Variants in TICAM2 observed in about 807,000 individuals in gnomAD.
TICAM2 encodes TIR domain-containing adapter molecule 2.
Under a neutral mutation model 7.3 loss-of-function variants are expected in TICAM2, and 8 were observed. The observed-to-expected ratio is 1.10, with a 90% CI of 0.65 to 1.99. The LOEUF (loss-of-function observed/expected upper bound fraction) is 1.99, where lower values mean the gene tolerates loss of function less well. Ranked by LOEUF, TICAM2 falls within the 30% of genes most tolerant of loss-of-function variation. The pLI is 0.00. For missense variants in TICAM2, 304 were observed against 278.8 expected, an observed-to-expected ratio of 1.09 and a Z score of -0.65; for synonymous variants, 113 against 99.6, an observed-to-expected ratio of 1.13 and a Z score of -0.80.
rs2288384 is a variant in TICAM2, at chr5:115,580,331, G to A, written c.*218C>T. 0.093 allele frequency: 51,232 copies of A among 551,246 alleles called. 2,726 individuals carry two copies. Among genetic ancestry groups the A allele is most frequent in the East Asian group, 0.16 (4,376 of 27,342 alleles). The allele number at this position is 551,246 out of a possible 1,614,324, so 34.1% of individuals were successfully genotyped here. A position where few individuals can be genotyped will look rare whatever the true frequency, so the allele number is the denominator to read the frequency against. ...GAACTAGGAAAATTGTGAAAGAAAA[G>A]TCCTTGAAACTCTGACAATGTCAAG... On this transcript the variant is annotated 3_prime_UTR_variant, in exon 2 of 2. Coordinates refer to ENST00000427199, the MANE Select transcript of TICAM2 (RefSeq NM_021649.7).
intron 1 of TICAM2, among the ~76,000 whole-genome samples, chr5:115,593,970 T>A (rs1380175739): frequency 6.6e-6 from 1 of 152,186 alleles, no homozygotes; most frequent in Non-Finnish European, 1.5e-5. Flanking sequence ...CATGGTTGAT[T>A]GTTTTTTTAT....
intron 1 of TICAM2, among the ~76,000 whole-genome samples, chr5:115,586,395 C>A (rs1391045998): frequency 7.0e-6 from 1 of 143,446 alleles, no homozygotes. Context: ...ATTAATGAAA[C>A]CATTAATTAA....
chr5:115,584,439 G>A (rs1755033116), intron 1 of TICAM2, among the ~76,000 whole-genome samples: 4 of 152,150 alleles, frequency 2.6e-5, no homozygotes, highest in Admixed American at 2.6e-4. Flanking sequence ...GGATATGTGA[G>A]TTGTTTCCAG....
Position 115,578,525 on chromosome 5 carries a change from A to T in TICAM2, c.*2024T>A, listed in dbSNP as rs1452097394. ...CATTTTTCTTTATCATAAAAAAAAT[A>T]TGGAACTCCAAATTGGGTGAGACAT... On this transcript the variant is annotated 3_prime_UTR_variant, in exon 2 of 2. Transcript: ENST00000427199. The T allele has an allele frequency of 1.3e-5, 2 of 152,158 alleles. No individual in the cohort carries two copies. Among genetic ancestry groups the T allele is most frequent in the Admixed American group, 1.3e-4 (2 of 15,278 alleles). 9.4% of individuals were successfully genotyped at this position (152,158 alleles called of 1,614,324 possible). A position where few individuals can be genotyped will look rare whatever the true frequency, so the allele number is the denominator to read the frequency against.
intron 1 of TICAM2, among the ~76,000 whole-genome samples, chr5:115,584,977 T>C (rs1755051558): frequency 6.6e-6 from 1 of 152,048 alleles, no homozygotes; most frequent in Admixed American, 6.6e-5. Flanking sequence ...TAAAAGAATA[T>C]AAAGGAGAAT....
At chr5:115,591,465 G>T (rs1177215596) in intron 1 of TICAM2, among the ~76,000 whole-genome samples, 1 of 152,104 alleles carries the variant, frequency 6.6e-6, no homozygotes, top group Non-Finnish European at 1.5e-5. Context: ...GCCAGCAAAC[G>T]CAGCTGACAA....
intron 1 of TICAM2, among the ~76,000 whole-genome samples, chr5:115,594,346 G>A (rs958544599): frequency 1.2e-4 from 18 of 152,176 alleles, no homozygotes; most frequent in Non-Finnish European, 5.9e-5. Context: ...ACATATGGTT[G>A]TGTGCTTTCC....
At chr5:115,593,992 T>C (rs1484740391) in intron 1 of TICAM2, among the ~76,000 whole-genome samples, 2 of 152,228 alleles carry the variant, frequency 1.3e-5, no homozygotes, top group African/African-American at 4.8e-5. Flanking sequence ...TATTCAACTA[T>C]ATACTTTGCT....
At chr5:115,597,139 C>G (rs1755540765) in intron 1 of TICAM2, among the ~76,000 whole-genome samples, 1 of 152,288 alleles carries the variant, frequency 6.6e-6, no homozygotes, top group South Asian at 2.1e-4. Flanking sequence ...GCCTTTACTT[C>G]CCTGAGTACA....
At position 115,581,180 on chromosome 5, in the gene TICAM2, C is replaced by A; in HGVS notation, c.77G>T (p.Ser26Ile). The change falls in exon 2 of 2, where the codon AGT becomes ATT. Residue 26 changes from serine (S) to isoleucine (I), a missense_variant. Transcript: ENST00000427199. ...SWGKRHSVDT[S>I]PGYHESDSKK... is the part of the protein sequence containing the mutation. ...GGAATCTGACTCATGATATCCTGGACTTGTATCCACACTGTGCCTTTTACC... is the reference window on the plus strand; with the variant it reads ...GGAATCTGACTCATGATATCCTGGAATTGTATCCACACTGTGCCTTTTACC... The A allele has an allele frequency of 6.2e-7, 1 of 1,613,640 alleles. No homozygotes were observed. Among genetic ancestry groups the A allele is most frequent in the East Asian group, 2.2e-5 (1 of 44,876 alleles).
chr5:115,591,697 A>G (rs1755309314), intron 1 of TICAM2, among the ~76,000 whole-genome samples: 1 of 152,138 alleles, frequency 6.6e-6, no homozygotes, highest in African/African-American at 2.4e-5. Flanking sequence ...ATGAACTAGA[A>G]AACAAGCTAG....
Position 115,580,488 on chromosome 5 carries a change from A to G in TICAM2, c.*61T>C. ...AACATTTCCTAGAAACTGCTTTCTC[A>G]AGTGAAGATTAATCATTTGGTTTAC... is the stretch of plus-strand genomic sequence containing the variant. On this transcript the variant is annotated 3_prime_UTR_variant, in exon 2 of 2. Transcript: ENST00000427199. 6.8e-7 allele frequency: 1 copy of G among 1,474,320 alleles called. No homozygotes were observed. The highest frequency in any genetic ancestry group is 1.4e-5 in the South Asian group (1 of 69,652). The allele number at this position is 1,474,320 out of a possible 1,614,324, so 91.3% of individuals were successfully genotyped here.
Position 115,590,691 on chromosome 5 carries a change from T to A in TICAM2, c.-59-9376A>T, listed in dbSNP as rs374135754. ...TTTCAGGTTCTTCTGTTTGTACTTT[T>A]GCTCTCCTGCTTTTACTTGCATGTC... On this transcript the variant is annotated intron_variant, in intron 1 of 1. Coordinates refer to ENST00000427199, the MANE Select transcript of TICAM2 (RefSeq NM_021649.7). Among the ~76,000 whole-genome samples, 26 of 152,246 alleles carry A rather than the reference T, an allele frequency of 1.7e-4. 2 individuals are homozygous for A. In the East Asian group the frequency reaches 1.7e-3, roughly 10 times the overall value.
chr5:115,581,465 C>A, intron 1 of TICAM2, 150 bp from the exon 2 acceptor site: 1 of 1,004,706 alleles, frequency 1.0e-6, no homozygotes, highest in South Asian at 1.8e-5. Context: ...AGCTAAACTA[C>A]TAATCTTTTG....
chr5:115,600,790 G>C (rs1755697948), intron 1 of TICAM2, among the ~76,000 whole-genome samples: 1 of 152,172 alleles, frequency 6.6e-6, no homozygotes, highest in African/African-American at 2.4e-5. Context: ...TGGAGACTTA[G>C]ATTAAATCTT....
intron 1 of TICAM2, among the ~76,000 whole-genome samples, chr5:115,587,611 G>A (rs1055186613): frequency 6.6e-6 from 1 of 152,164 alleles, no homozygotes; most frequent in Non-Finnish European, 1.5e-5. Flanking sequence ...AGTCAGGGAT[G>A]CCTCCCAAGC....
intron 1 of TICAM2, among the ~76,000 whole-genome samples, chr5:115,590,258 C>T (rs1755253236): frequency 6.6e-6 from 1 of 152,046 alleles, no homozygotes; most frequent in African/African-American, 2.4e-5. Flanking sequence ...TTCAGTGAGC[C>T]ATGATTGCAC....
At position 115,579,656 on chromosome 5, in the gene TICAM2, C is replaced by T. The variant is rs1554091795; in HGVS notation, c.*893G>A. On this transcript the variant is annotated 3_prime_UTR_variant, in exon 2 of 2. Transcript: ENST00000427199. Reference sequence around the variant, plus strand: ...TTATAAATAACCTATCACACACACACATGCACACAGTCAGGCTACTTTGAA... The same window carrying T: ...TTATAAATAACCTATCACACACACATATGCACACAGTCAGGCTACTTTGAA... The T allele has an allele frequency of 6.6e-6, 1 of 152,200 alleles. No individual in the cohort carries two copies. The highest frequency in any genetic ancestry group is 1.5e-5 in the Non-Finnish European group (1 of 68,048). 9.4% of individuals were successfully genotyped at this position (152,200 alleles called of 1,614,324 possible). A position where few individuals can be genotyped will look rare whatever the true frequency, so the allele number is the denominator to read the frequency against.
chr5:115,592,623 A>AGGAAACATTCC (rs1455732908), intron 1 of TICAM2, among the ~76,000 whole-genome samples: 3 of 152,264 alleles, frequency 2.0e-5, no homozygotes, highest in Non-Finnish European at 4.4e-5. Flanking sequence ...ATTAAAAAAG[A>AGGAAACATTCC]GGAAACATTC....
Sources: gnomAD v4.1 joint callset for allele counts (sites outside exome capture counted in the v4.1 genomes callset) on GRCh38, gnomAD v4.1.1 for gene constraint, MANE v1.5 for transcripts, NCBI Gene and HGNC (gene_info 2026-07-23, HGNC 2026-07-21) for gene names.